NEO1: variants seen among roughly 807,000 people sequenced by gnomAD.
The protein encoded by NEO1 is neogenin.
NEO1 carries 63 observed loss-of-function variants against 159.7 expected under a neutral mutation model. The ratio of observed to expected loss-of-function variants is 0.39; its 90% CI spans 0.32 to 0.49. The LOEUF is 0.49. Among genes scored for constraint, NEO1 ranks in the 20% least tolerant of loss-of-function variants. The pLI, the probability that NEO1 is intolerant of heterozygous loss-of-function variation, is 0.85. For missense variants in NEO1, 1,615 were observed against 1,831.0 expected (o/e 0.88, Z 2.15); for synonymous variants, 633 against 662.0 (o/e 0.96, Z 0.67).
intron 2 of NEO1, among the ~76,000 whole-genome samples, chr15:73,122,092 T>TATATATATATAC (rs1567241749): frequency 1.2e-4 from 12 of 102,990 alleles, no homozygotes; most frequent in African/African-American, 4.0e-4. Context: ...TATATATATA[T>TATATATATATAC]ATACACATTA....
At chr15:73,175,805 G>C (rs28433374) in intron 5 of NEO1, among the ~76,000 whole-genome samples, 3,566 of 152,240 alleles carry the variant, frequency 0.023, 145 homozygotes, top group African/African-American at 0.081. Flanking sequence ...GCAATTTACA[G>C]CTGTGGGGCA....
intron 5 of NEO1, among the ~76,000 whole-genome samples, chr15:73,138,478 C>T (rs543888696): frequency 2.2e-4 from 33 of 150,892 alleles, no homozygotes; most frequent in South Asian, 1.5e-3. Flanking sequence ...GGGAGTTGGC[C>T]GGGCGCGGTG....
intron 1 of NEO1, among the ~76,000 whole-genome samples, chr15:73,085,363 A>G (rs2069299717): frequency 6.6e-6 from 1 of 152,166 alleles, no homozygotes. Flanking sequence ...TAGCTTATCC[A>G]TTCACCTGGT....
intron 7 of NEO1, among the ~76,000 whole-genome samples, chr15:73,227,223 C>T (rs948661147): frequency 2.0e-5 from 3 of 152,190 alleles, no homozygotes; most frequent in Non-Finnish European, 4.4e-5. Context: ...AGGCCGGGCG[C>T]AGTGGCTCAT....
At chr15:73,078,278 C>A (rs8038411) in intron 1 of NEO1, among the ~76,000 whole-genome samples, 1 of 151,772 alleles carries the variant, frequency 6.6e-6, no homozygotes, top group Non-Finnish European at 1.5e-5. Flanking sequence ...CTAGAGAATC[C>A]CTGCAGGAGA....
chr15:73,205,513 T>C (rs1350038547), intron 7 of NEO1, among the ~76,000 whole-genome samples: 1 of 152,230 alleles, frequency 6.6e-6, no homozygotes, highest in Non-Finnish European at 1.5e-5. Context: ...GACAACCTGG[T>C]AAAATTCCTG....
At chr15:73,083,260 G>C (rs943317362) in intron 1 of NEO1, among the ~76,000 whole-genome samples, 3 of 152,096 alleles carry the variant, frequency 2.0e-5, no homozygotes, top group Non-Finnish European at 2.9e-5. Flanking sequence ...TTGTGGCTTG[G>C]ACTAGAGAGT....
At chr15:73,287,694 A>G (rs2680338) in intron 23 of NEO1, among the ~76,000 whole-genome samples, 61,599 of 151,930 alleles carry the variant, frequency 0.41, 12,593 homozygotes, top group East Asian at 0.56. Context: ...CAGCCTGGCC[A>G]ACATGGTGAA....
intron 8 of NEO1, among the ~76,000 whole-genome samples, chr15:73,243,277 C>T (rs747094115): frequency 6.6e-6 from 1 of 152,106 alleles, no homozygotes; most frequent in Non-Finnish European, 1.5e-5. Context: ...CAAATGCTCA[C>T]AATCAGACAA....
At chr15:73,079,926 A>G (rs1036687493) in intron 1 of NEO1, among the ~76,000 whole-genome samples, 6 of 152,250 alleles carry the variant, frequency 3.9e-5, no homozygotes, top group African/African-American at 1.2e-4. Context: ...GGTCAATAGA[A>G]TGATGGAATA....
chr15:73,177,926 G>A (rs2035375949), intron 6 of NEO1, among the ~76,000 whole-genome samples: 2 of 152,150 alleles, frequency 1.3e-5, no homozygotes, highest in Admixed American at 6.5e-5. Flanking sequence ...AGTCTAATCT[G>A]TTAGAACTAT....
chr15:73,266,550 G>T, intron 16 of NEO1, 139 bp downstream of exon 16: 1 of 533,032 alleles, frequency 1.9e-6, no homozygotes. Context: ...ATGGGAAAGT[G>T]GGCTTTCAGC....
chr15:73,176,219 G>C (rs1210923309), intron 5 of NEO1, among the ~76,000 whole-genome samples, 184 bp from the exon 6 acceptor site: 1 of 152,076 alleles, frequency 6.6e-6, no homozygotes, highest in East Asian at 1.9e-4. Flanking sequence ...ATTTTTTAAA[G>C]ATAATTGTAT....
chr15:73,266,932 T>C (rs1028164907), intron 16 of NEO1, among the ~76,000 whole-genome samples: 6 of 152,186 alleles, frequency 3.9e-5, no homozygotes, highest in Non-Finnish European at 7.3e-5. Context: ...CGAGACCAAA[T>C]ATTCATTGTT....
intron 15 of NEO1, among the ~76,000 whole-genome samples, chr15:73,263,612 G>A (rs1259235370): frequency 7.4e-6 from 1 of 135,268 alleles, no homozygotes; most frequent in Non-Finnish European, 1.7e-5. Flanking sequence ...GATCTTTTTT[G>A]AAACACTTGT....
chr15:73,070,421 T>C (rs568724631), intron 1 of NEO1, among the ~76,000 whole-genome samples: 1 of 152,338 alleles, frequency 6.6e-6, no homozygotes, highest in East Asian at 1.9e-4. Context: ...GCTGTAGATA[T>C]AACTCATGTG....
rs565302484 is a variant in NEO1 at position 73,220,404 on chromosome 15, T to C, written c.1292-15943T>C. Reference sequence around the variant, plus strand: ...CTTTGGTGAATCTGACAATTATGTGTCTTGGAGTTGCTCTTCTCGAGGAGT... The same window carrying C: ...CTTTGGTGAATCTGACAATTATGTGCCTTGGAGTTGCTCTTCTCGAGGAGT... On this transcript the variant is annotated intron_variant, in intron 7 of 28. Coordinates refer to ENST00000261908, the MANE Select transcript of NEO1 (RefSeq NM_002499.4). Among the ~76,000 whole-genome samples, 28 of 152,248 alleles carry C rather than the reference T, an allele frequency of 1.8e-4. 1 individual carries two copies. The highest frequency in any genetic ancestry group is 1.2e-3 in the South Asian group (6 of 4,812).
intron 5 of NEO1, among the ~76,000 whole-genome samples, chr15:73,148,081 G>A (rs1455606977): frequency 6.6e-6 from 1 of 152,036 alleles, no homozygotes; most frequent in Non-Finnish European, 1.5e-5. Flanking sequence ...CCAAAGTGCT[G>A]GGATTACAGG....
intron 15 of NEO1, among the ~76,000 whole-genome samples, chr15:73,261,585 A>G (rs1447420656): frequency 6.6e-6 from 1 of 152,196 alleles, no homozygotes; most frequent in African/African-American, 2.4e-5. Flanking sequence ...AGCATCAAAA[A>G]ATATGAAGTA....
Sources: allele counts gnomAD v4.1 joint callset (sites outside exome capture counted in the v4.1 genomes callset), GRCh38; gene constraint gnomAD v4.1.1; transcripts MANE v1.5; gene names NCBI Gene and HGNC (gene_info 2026-07-23, HGNC 2026-07-21).